SSBP3: variants seen among roughly 807,000 people sequenced by gnomAD.
The protein encoded by SSBP3 is single-stranded DNA-binding protein 3.
SSBP3 carries 5 observed loss-of-function variants against 69.6 expected under a neutral mutation model. The ratio of observed to expected loss-of-function variants is 0.07; its 90% CI spans 0.04 to 0.15. The LOEUF is 0.15. Ranked by LOEUF, SSBP3 falls within the 10% of genes least tolerant of loss-of-function variation. The probability of loss-of-function intolerance (pLI) is 1.00; values close to 1 mark genes in which losing one functional copy is unlikely to be tolerated. For missense variants in SSBP3, 312 were observed against 534.0 expected (o/e 0.58, Z 4.10); for synonymous variants, 196 against 193.4 (o/e 1.01, Z -0.11).
At chr1:54,318,872 G>A (rs1258089981) in intron 4 of SSBP3, among the ~76,000 whole-genome samples, 2 of 152,202 alleles carry the variant, frequency 1.3e-5, no homozygotes, top group African/African-American at 2.4e-5. Flanking sequence ...AGTAACAGGA[G>A]GGAAGGGGTC....
At chr1:54,369,027 T>C (rs1309641261) in intron 4 of SSBP3, among the ~76,000 whole-genome samples, 6 of 152,276 alleles carry the variant, frequency 3.9e-5, no homozygotes, top group Admixed American at 6.5e-5. Flanking sequence ...CTAAAACAAG[T>C]AGATGGCTCC....
At chr1:54,238,787 G>T (rs993230216) in intron 14 of SSBP3, 11 of 214,520 alleles carry the variant, frequency 5.1e-5, no homozygotes, top group African/African-American at 4.8e-4. Flanking sequence ...GGATTGCCCG[G>T]GCCACAGCCA....
In SSBP3 at chr1:54,406,168, C is replaced by T. The variant is rs562987295; in HGVS notation, c.-160G>A. On this transcript the variant is annotated 5_prime_UTR_variant, in exon 1 of 18. Coordinates refer to ENST00000610401, the Ensembl canonical transcript of SSBP3. Reference sequence around the variant, plus strand: ...CCTCGCCGCGCTCCCCTCCCTCCCCCCCAGGCGCTGGCTCCGCGCTCTTTC... The same window carrying T: ...CCTCGCCGCGCTCCCCTCCCTCCCCTCCAGGCGCTGGCTCCGCGCTCTTTC... The T allele has an allele frequency of 1.1e-4, 57 of 518,672 alleles. No homozygotes were observed. In the Middle Eastern group the frequency reaches 2.2e-3, roughly 20 times the overall value. The allele number at this position is 518,672 out of a possible 1,614,324, so 32.1% of individuals were successfully genotyped here. A position where few individuals can be genotyped will look rare whatever the true frequency, so the allele number is the denominator to read the frequency against.
intron 4 of SSBP3, among the ~76,000 whole-genome samples, chr1:54,385,057 G>C (rs1647974350): frequency 6.6e-6 from 1 of 152,154 alleles, no homozygotes; most frequent in Non-Finnish European, 1.5e-5. Flanking sequence ...AAAGAAAAGA[G>C]CAAACCGCAG....
At chr1:54,395,152 C>CATACCA (rs1648776689) in intron 4 of SSBP3, among the ~76,000 whole-genome samples, 1 of 152,102 alleles carries the variant, frequency 6.6e-6, no homozygotes, top group African/African-American at 2.4e-5. Flanking sequence ...GAGAACAGTG[C>CATACCA]AAGACTCCTC....
chr1:54,352,218 C>T (rs1646791842), intron 4 of SSBP3, among the ~76,000 whole-genome samples: 1 of 145,390 alleles, frequency 6.9e-6, no homozygotes, highest in Non-Finnish European at 1.5e-5. Context: ...GGGCTAGACA[C>T]GGCTCAGGGT....
chr1:54,365,365 T>TGC (rs200449385), intron 4 of SSBP3, among the ~76,000 whole-genome samples: 1 of 152,038 alleles, frequency 6.6e-6, no homozygotes, highest in African/African-American at 2.4e-5. Flanking sequence ...TGTGTGTGTG[T>TGC]TGGAAGGCTA....
intron 4 of SSBP3, chr1:54,286,726 G>C (rs535039609): frequency 6.6e-6 from 1 of 152,384 alleles, no homozygotes; most frequent in Non-Finnish European, 1.5e-5. Flanking sequence ...GGAGAAGCAG[G>C]GTTCAAACAG....
At chr1:54,324,734 T>C (rs879933625) in intron 4 of SSBP3, among the ~76,000 whole-genome samples, 5 of 152,332 alleles carry the variant, frequency 3.3e-5, no homozygotes, top group East Asian at 1.9e-4. Flanking sequence ...ATATCCTGCT[T>C]GAAATTTTTT....
At chr1:54,303,132 G>A (rs1645833517) in intron 4 of SSBP3, among the ~76,000 whole-genome samples, 1 of 152,260 alleles carries the variant, frequency 6.6e-6, no homozygotes, top group South Asian at 2.1e-4. Context: ...TAATTACACA[G>A]CACAAAGGGT....
At chr1:54,400,985 G>A (rs2100811113) in intron 4 of SSBP3, among the ~76,000 whole-genome samples, 1 of 152,264 alleles carries the variant, frequency 6.6e-6, no homozygotes, top group African/African-American at 2.4e-5. Context: ...CCTGCTATAT[G>A]GACATGCTTA....
intron 13 of SSBP3, among the ~76,000 whole-genome samples, chr1:54,240,504 C>CTA (rs1437320353): frequency 6.7e-6 from 1 of 148,500 alleles, no homozygotes; most frequent in Non-Finnish European, 1.5e-5. Context: ...AAGGGATCTC[C>CTA]TATATAGAGG....
intron 5 of SSBP3, among the ~76,000 whole-genome samples, chr1:54,270,364 C>T (rs1484572040): frequency 6.6e-6 from 1 of 152,164 alleles, no homozygotes; most frequent in South Asian, 2.1e-4. Context: ...CGACCTCCCC[C>T]GGCAGCTCCT....
At chr1:54,363,600 G>A (rs1231900178) in intron 4 of SSBP3, among the ~76,000 whole-genome samples, 3 of 152,036 alleles carry the variant, frequency 2.0e-5, no homozygotes, top group African/African-American at 7.2e-5. Flanking sequence ...AGTTATATGG[G>A]AGGGAGAACA....
intron 4 of SSBP3, among the ~76,000 whole-genome samples, chr1:54,316,653 AAAAAAATAAAATAAATAAAT>A (rs1200125197): frequency 3.7e-5 from 2 of 53,864 alleles, no homozygotes; most frequent in African/African-American, 2.6e-4. Flanking sequence ...GTCTCAAAAA[AAAAAAATAAAATAAATAAAT>A]AAATAAATAA....
At chr1:54,394,720 T>TG (rs1344890284) in intron 4 of SSBP3, among the ~76,000 whole-genome samples, 5 of 140,940 alleles carry the variant, frequency 3.5e-5, no homozygotes, top group African/African-American at 1.4e-4. Flanking sequence ...TTTTTTTTTT[T>TG]GAGACGGAGT....
intron 4 of SSBP3, among the ~76,000 whole-genome samples, chr1:54,388,667 C>A (rs921791311): frequency 6.6e-6 from 1 of 152,206 alleles, no homozygotes; most frequent in Non-Finnish European, 1.5e-5. Flanking sequence ...TATGGGACCC[C>A]TGCCTTGGGA....
chr1:54,358,968 C>T (rs1646910964), intron 4 of SSBP3, among the ~76,000 whole-genome samples: 1 of 152,150 alleles, frequency 6.6e-6, no homozygotes, highest in South Asian at 2.1e-4. Context: ...GCGTCTTCCA[C>T]CCGCCACACT....
At chr1:54,370,640 C>A (rs763715228) in intron 4 of SSBP3, among the ~76,000 whole-genome samples, 19 of 152,118 alleles carry the variant, frequency 1.2e-4, no homozygotes, top group Non-Finnish European at 2.5e-4. Flanking sequence ...TCTGTCACTG[C>A]CCCAGGACTG....
Sources: allele counts gnomAD v4.1 joint callset (sites outside exome capture counted in the v4.1 genomes callset), GRCh38; gene constraint gnomAD v4.1.1; transcripts MANE v1.5; gene names NCBI Gene and HGNC (gene_info 2026-07-23, HGNC 2026-07-21).